The following IBSP variants were observed in gnomAD, a reference collection of about 807,000 sequenced individuals.
IBSP encodes the protein integrin binding sialoprotein.
IBSP carries 19 observed loss-of-function variants against 25.5 expected under a neutral mutation model. The observed-to-expected ratio is 0.74, with a 90% confidence interval of 0.52 to 1.09. The LOEUF is 1.09. Ranked by LOEUF, IBSP falls within the 50% of genes least tolerant of loss-of-function variation. IBSP has a pLI of 0.00. For synonymous variants in IBSP, 144 were observed against 137.6 expected, an observed-to-expected ratio of 1.05 and a Z score of -0.33; for missense variants, 360 against 382.3, an observed-to-expected ratio of 0.94 and a Z score of 0.49.
chr4:87,802,321 T>C, intron 1 of IBSP, 27 bp from the exon 2 acceptor site: 4 of 1,427,970 alleles, frequency 2.8e-6, no homozygotes, highest in Non-Finnish European at 3.9e-6. Context: ...TAATATTTTA[T>C]TAACCTTACC....
chr4:87,811,646 T>G lies in IBSP; in HGVS notation c.690T>G (p.Ser230=). ...QGKGTSKTTT[S]PNGGFEPTTP... ...AGGGCACCTCGAAGACAACAACCTC[T>G]CCAAATGGTGGGTTTGAACCTACAA... is the stretch of plus-strand genomic sequence containing the variant. Residue 230 remains serine, a synonymous_variant, in exon 7 of 7, where the codon TCT becomes TCG. Coordinates refer to ENST00000226284, the MANE Select transcript of IBSP (RefSeq NM_004967.4). The G allele has an allele frequency of 6.2e-7, 1 of 1,612,454 alleles. No homozygotes were observed. Among genetic ancestry groups the G allele is most frequent in the South Asian group, 1.1e-5 (1 of 90,972 alleles).
At chr4:87,801,072 G>A in intron 1 of IBSP, among the ~76,000 whole-genome samples, 1 of 152,114 alleles carries the variant, frequency 6.6e-6, no homozygotes, top group Non-Finnish European at 1.5e-5. Flanking sequence ...AGATAGGATA[G>A]CATTTCACTA....
In IBSP at chr4:87,811,934, T is replaced by C. The variant is rs773900462; in HGVS notation, c.*24T>C. On this transcript the variant is annotated 3_prime_UTR_variant, in exon 7 of 7. Transcript: ENST00000226284. ...GAAGCTCCAGCCTGGGATGAATTCA[T>C]CCATTCTGGCTTTGCATCCGGCTAC... The C allele has an allele frequency of 1.5e-5, 22 of 1,502,890 alleles. No individual in the cohort carries two copies. The Admixed American group carries it at 1.6e-4, about 11-fold the overall frequency. The allele number at this position is 1,502,890 out of a possible 1,614,324, so 93.1% of individuals were successfully genotyped here.
At chr4:87,810,038 A>G (rs1560527907) in intron 5 of IBSP, among the ~76,000 whole-genome samples, 1 of 152,162 alleles carries the variant, frequency 6.6e-6, no homozygotes, top group Non-Finnish European at 1.5e-5. Context: ...ATCCTGGCCA[A>G]CACGGTGAAA....
chr4:87,803,129 C>T (rs921144077), intron 4 of IBSP, among the ~76,000 whole-genome samples: 8 of 152,124 alleles, frequency 5.3e-5, no homozygotes, highest in African/African-American at 1.9e-4. Context: ...TTACATGTGG[C>T]ACTGCAGAGT....
At chr4:87,805,719 G>A (rs192252592) in intron 4 of IBSP, among the ~76,000 whole-genome samples, 254 of 152,182 alleles carry the variant, frequency 1.7e-3, no homozygotes, top group Non-Finnish European at 2.9e-3. Context: ...TTTTTAGGCC[G>A]CTGATTCATT....
chr4:87,810,236 A>G (rs2110058307), intron 5 of IBSP, among the ~76,000 whole-genome samples: 1 of 152,300 alleles, frequency 6.6e-6, no homozygotes, highest in South Asian at 2.1e-4. Context: ...AAAACAAAAC[A>G]AAAACAAAAA....
chr4:87,811,082 G>A (rs775373132), intron 6 of IBSP, among the ~76,000 whole-genome samples: 9 of 152,144 alleles, frequency 5.9e-5, no homozygotes, highest in Non-Finnish European at 1.3e-4. Flanking sequence ...CCAGGGAAGA[G>A]AATTCCAAGA....
intron 5 of IBSP, among the ~76,000 whole-genome samples, chr4:87,808,305 C>T (rs1469543426): frequency 1.3e-5 from 2 of 152,090 alleles, no homozygotes; most frequent in Non-Finnish European, 2.9e-5. Context: ...CCTCAGCCTC[C>T]CAAGTAGCTG....
intron 5 of IBSP, among the ~76,000 whole-genome samples, chr4:87,806,941 G>A (rs1207109033): frequency 6.6e-6 from 1 of 151,950 alleles, no homozygotes. Flanking sequence ...GAAGGTGGAG[G>A]TTGCAGTGAG....
Position 87,802,710 on chromosome 4 carries a change from T to C in IBSP, c.162T>C (p.His54=). Residue 54 remains histidine (H), a synonymous_variant, in exon 4 of 7, where the codon CAT becomes CAC. Coordinates refer to ENST00000226284, the MANE Select transcript of IBSP (RefSeq NM_004967.4). Reference sequence around the variant, plus strand: ...ACAAGCATGCCTACTTTTATCCTCATTTAAAACGATTTCCAGTTCAGGTAA... The same window carrying C: ...ACAAGCATGCCTACTTTTATCCTCACTTAAAACGATTTCCAGTTCAGGTAA... ...YLYKHAYFYP[H]LKRFPVQGSS... The C allele has an allele frequency of 1.3e-6, 2 of 1,554,182 alleles. No homozygotes were observed. Among genetic ancestry groups the C allele is most frequent in the Non-Finnish European group, 1.7e-6 (2 of 1,160,002 alleles).
intron 4 of IBSP, among the ~76,000 whole-genome samples, chr4:87,805,731 T>C (rs966312323): frequency 6.6e-6 from 1 of 152,184 alleles, no homozygotes; most frequent in African/African-American, 2.4e-5. Flanking sequence ...TGATTCATTC[T>C]CCATAAAATT....
chr4:87,801,514 ACG>A (rs1284710665), intron 1 of IBSP, among the ~76,000 whole-genome samples: 8 of 86,800 alleles, frequency 9.2e-5, no homozygotes, highest in African/African-American at 2.3e-4. Flanking sequence ...ACACACACAC[ACG>A]CATATACACA....
chr4:87,810,730 A>AG lies in IBSP; in HGVS notation c.371_372insG (p.Tyr124Ter), dbSNP rs1210364486. The AG allele has an allele frequency of 6.2e-7, 1 of 1,613,856 alleles. No individual in the cohort carries two copies. The highest frequency in any genetic ancestry group is 1.7e-5 in the Admixed American group (1 of 59,960). Residue 124 changes from tyrosine (Y) to a stop codon, truncating the protein, a stop_gained and frameshift_variant, in exon 6 of 7, where the codon TAT (tyrosine) becomes TAGT (stop). Transcript: ENST00000226284. LOFTEE classifies it low-confidence loss of function (END_TRUNC). The part of the protein sequence containing the change: ...YGEDATPGTG[Y>*]TGLAAIQLPK... ...GAGGACGCCACGCCTGGCACAGGGT[A>AG]TACAGGGTTAGCTGCAATCCAGCTT...
intron 4 of IBSP, among the ~76,000 whole-genome samples, chr4:87,804,080 T>C (rs988846043): frequency 1.3e-5 from 2 of 152,188 alleles, no homozygotes; most frequent in African/African-American, 2.4e-5. Context: ...ATCTTTAATA[T>C]ACAAGTTTTT....
chr4:87,805,050 C>T (rs1269836352), intron 4 of IBSP, among the ~76,000 whole-genome samples: 5 of 152,170 alleles, frequency 3.3e-5, no homozygotes, highest in Admixed American at 3.3e-4. Context: ...TGAGGTTATT[C>T]CTGGCTCGAG....
At chr4:87,801,733 C>T (rs964287528) in intron 1 of IBSP, among the ~76,000 whole-genome samples, 1 of 152,126 alleles carries the variant, frequency 6.6e-6, no homozygotes, top group African/African-American at 2.4e-5. Context: ...CGGCTCACTG[C>T]AACCTTGGCC....
At position 87,806,207 on chromosome 4, in the gene IBSP, C is replaced by T. The variant is rs377383906; in HGVS notation, c.246+23C>T. On this transcript the variant is annotated intron_variant, in intron 5 of 6. Transcript: ENST00000226284. ...GAGGTAAGGAATTTTGCAATCTTTT[C>T]GTAATAAAGCAGACAGCACAAGAAA... 40 of 1,583,834 alleles carry T rather than the reference C, an allele frequency of 2.5e-5. No homozygotes were observed. In the Admixed American group the frequency reaches 3.6e-4, roughly 14 times the overall value.
intron 4 of IBSP, among the ~76,000 whole-genome samples, chr4:87,803,923 A>G (rs1722057428): frequency 6.6e-6 from 1 of 152,192 alleles, no homozygotes; most frequent in Admixed American, 6.6e-5. Context: ...CTTTTCTGAA[A>G]TATTAGGTAC....
Sources: gnomAD v4.1 joint callset for allele counts (sites outside exome capture counted in the v4.1 genomes callset) on GRCh38, gnomAD v4.1.1 for gene constraint, MANE v1.5 for transcripts, NCBI Gene and HGNC (gene_info 2026-07-23, HGNC 2026-07-21) for gene names.